Variants in ABCA3 observed in about 807,000 individuals in gnomAD.
ABCA3 encodes the protein phospholipid-transporting ATPase ABCA3.
Under a neutral mutation model 172.8 loss-of-function variants are expected in ABCA3, and 88 were observed. That is an observed-to-expected ratio of 0.51 (90% CI 0.43 to 0.61). The LOEUF (loss-of-function observed/expected upper bound fraction) is 0.61, where lower values mean the gene tolerates loss of function less well. ABCA3 is among the 20% of genes least tolerant of loss of function. The pLI is 0.00. For synonymous variants in ABCA3, 1,066 were observed against 983.8 expected, an observed-to-expected ratio of 1.08 and a Z score of -1.56; for missense variants, 2,164 against 2,301.0, an observed-to-expected ratio of 0.94 and a Z score of 1.22.
At chr16:2,325,305 C>A (rs1039596005) in intron 5 of ABCA3, among the ~76,000 whole-genome samples, 6 of 152,146 alleles carry the variant, frequency 3.9e-5, no homozygotes, top group Non-Finnish European at 1.5e-5. Context: ...TCCTGTCCAC[C>A]CTACTGACCA....
intron 20 of ABCA3, 46 bp downstream of exon 20, chr16:2,289,388 C>T: frequency 1.3e-6 from 2 of 1,543,338 alleles, no homozygotes; most frequent in Non-Finnish European, 1.7e-6. Context: ...CGTTTGGGGG[C>T]TGCTCGCCCT....
Position 2,306,884 on chromosome 16 carries a change from G to A in ABCA3, c.1285+1566C>T, listed in dbSNP as rs183027431. 4.3e-4 allele frequency among the ~76,000 whole-genome samples: 65 copies of A among 151,740 alleles called. 1 individual carries two copies. Among genetic ancestry groups the A allele is most frequent in the African/African-American group, 1.5e-3 (61 of 41,408 alleles). Reference sequence around the variant, plus strand: ...CAAAAAATTAGCTGGGCACGGTGGCGGGCGCCTGTAGTCCCAGCTACTTGG... The same window carrying A: ...CAAAAAATTAGCTGGGCACGGTGGCAGGCGCCTGTAGTCCCAGCTACTTGG... On this transcript the variant is annotated intron_variant, in intron 11 of 32. Transcript: ENST00000301732.
intron 3 of ABCA3, 21 bp from the exon 4 acceptor site, chr16:2,326,513 G>C (rs781359831): frequency 1.3e-6 from 2 of 1,585,332 alleles, no homozygotes; most frequent in East Asian, 2.3e-5. Flanking sequence ...ACCAAAGACA[G>C]AGAGTGTGGG....
At chr16:2,315,314 C>T (rs560665454) in intron 10 of ABCA3, among the ~76,000 whole-genome samples, 2 of 151,402 alleles carry the variant, frequency 1.3e-5, no homozygotes, top group Admixed American at 6.6e-5. Flanking sequence ...GCCCTCAGAT[C>T]GAAATGTTCA....
At chr16:2,303,246 T>A (rs1357509289) in intron 12 of ABCA3, among the ~76,000 whole-genome samples, 1 of 150,938 alleles carries the variant, frequency 6.6e-6, no homozygotes, top group African/African-American at 2.4e-5. Context: ...ATTTCAGGAA[T>A]CCGAACTTTT....
At position 2,279,251 on chromosome 16, in the gene ABCA3, G is replaced by A; in HGVS notation, c.4360-121C>T. 1 of 1,199,182 alleles carries A rather than the reference G, an allele frequency of 8.3e-7. No individual in the cohort carries two copies. The highest frequency in any genetic ancestry group is 1.2e-6 in the Non-Finnish European group (1 of 845,346). 74.3% of individuals were successfully genotyped at this position (1,199,182 alleles called of 1,614,324 possible). ...GCGCCTGTCTGTGGTTCCTGCCAGT[G>A]TGTGTACACGGGGGCGCTGGAGCTA... On this transcript the variant is annotated intron_variant, in intron 28 of 32. Transcript: ENST00000301732. This position sits in a 1 kb window ranked among gnomAD's most constrained non-coding sequence, Gnocchi z 4.4.
chr16:2,339,109 A>G (rs1347624424), intron 1 of ABCA3: 2 of 152,190 alleles, frequency 1.3e-5, no homozygotes, highest in Admixed American at 1.3e-4. Context: ...GCCGTCCCCA[A>G]AGTTCCAGAA....
chr16:2,333,868 TTAG>T, intron 1 of ABCA3, among the ~76,000 whole-genome samples: 1 of 151,988 alleles, frequency 6.6e-6, no homozygotes, highest in Non-Finnish European at 1.5e-5. Flanking sequence ...TTTTGTATTT[TTAG>T]TAGAGACAGG....
At position 2,277,832 on chromosome 16, in the gene ABCA3, AGGGG is replaced by A; in HGVS notation, c.4909+43_4909+46del. 1 of 1,605,162 alleles carries A rather than the reference AGGGG, an allele frequency of 6.2e-7. No individual in the cohort carries two copies. The highest frequency in any genetic ancestry group is 8.5e-7 in the Non-Finnish European group (1 of 1,177,972). On this transcript the variant is annotated intron_variant, in intron 31 of 32. Coordinates refer to ENST00000301732, the MANE Select transcript of ABCA3 (RefSeq NM_001089.3). The surrounding 1 kb of genome is among the most constrained non-coding windows in gnomAD (Gnocchi z 5.3). ...CACAGCAGATGGGAGAGGCCTAGGTAGGGGCCCAGGGCCCACCCAGTGGGGGCTG... is the reference window on the plus strand; with the variant it reads ...CACAGCAGATGGGAGAGGCCTAGGTACCCAGGGCCCACCCAGTGGGGGCTG...
Position 2,284,370 on chromosome 16 carries a change from C to G in ABCA3, c.3771G>C (p.Leu1257=). 1 of 1,614,006 alleles carries G rather than the reference C, an allele frequency of 6.2e-7. No homozygotes were observed. The highest frequency in any genetic ancestry group is 8.5e-7 in the Non-Finnish European group (1 of 1,180,000). The change falls in exon 25 of 33, where the codon CTG becomes CTC. Residue 1257 remains leucine, a synonymous_variant. Transcript: ENST00000301732. This position sits in a 1 kb window ranked among gnomAD's most constrained non-coding sequence, Gnocchi z 5.9. ...HVFLVLPNHC[L]GMAVSSFYEN... ...CGTAGAAACTGCTGACTGCCATCCC[C>G]AGACAGTGGTTGGGCAGCACCAGGA...
Position 2,317,404 on chromosome 16 carries a change from C to A in ABCA3, c.991-1G>T. On this transcript the variant is annotated splice_acceptor_variant, in intron 9 of 32. Transcript: ENST00000301732. LOFTEE classifies it high-confidence loss of function. ...ACAGCACGGCTACATTTGGCTTCAC[C>A]TGCAGGGCACAGGCATGAGTCGGGC... is the stretch of plus-strand genomic sequence containing the variant. 6.2e-7 allele frequency: 1 copy of A among 1,613,768 alleles called. No homozygotes were observed. The highest frequency in any genetic ancestry group is 8.5e-7 in the Non-Finnish European group (1 of 1,180,018).
At chr16:2,299,277 C>T (rs2093685134) in intron 14 of ABCA3, 126 bp downstream of exon 14, 1 of 1,354,774 alleles carries the variant, frequency 7.4e-7, no homozygotes, top group Non-Finnish European at 1.0e-6. Context: ...GGCTGAGGTG[C>T]ATCTCCTGCC....
chr16:2,324,502 C>T lies in ABCA3; in HGVS notation c.349G>A (p.Glu117Lys). The T allele has an allele frequency of 3.7e-6, 6 of 1,611,044 alleles. No individual in the cohort carries two copies. Among genetic ancestry groups the T allele is most frequent in the Non-Finnish European group, 5.1e-6 (6 of 1,179,950 alleles). The change falls in exon 6 of 33, where the codon GAG becomes AAG. Residue 117 changes from glutamate to lysine, a missense_variant. This residue lies in a region of ABCA3 where 1,343 missense variants were observed against 1,369.6 expected (regional missense o/e 0.98). Coordinates refer to ENST00000301732, the MANE Select transcript of ABCA3 (RefSeq NM_001089.3). ...VRGFPSEKDF[E>K]DYIRYDNCSS... is the part of the protein sequence containing the mutation. ...CAGTTGTCGTACCTAATGTAGTCCT[C>T]AAAGTCCTTCTCGGAGGGAAAGCCG...
chr16:2,320,679 G>A (rs1465616449), intron 7 of ABCA3, among the ~76,000 whole-genome samples: 1 of 152,036 alleles, frequency 6.6e-6, no homozygotes, highest in African/African-American at 2.4e-5. Flanking sequence ...TGACAGGTGT[G>A]AGCCACTGCG....
At chr16:2,331,497 C>A (rs1013548574) in intron 1 of ABCA3, among the ~76,000 whole-genome samples, 8 of 152,246 alleles carry the variant, frequency 5.3e-5, no homozygotes, top group Non-Finnish European at 1.0e-4. Context: ...CTGTGCCCTG[C>A]CGAGGTTTTA....
In ABCA3 at chr16:2,277,005, G is replaced by T. The variant is rs548257936; in HGVS notation, c.4984-200C>A. 2.6e-5 allele frequency among the ~76,000 whole-genome samples: 4 copies of T among 152,228 alleles called. No individual in the cohort carries two copies. The highest frequency in any genetic ancestry group is 5.9e-5 in the Non-Finnish European group (4 of 68,036). On this transcript the variant is annotated intron_variant, in intron 32 of 32. Transcript: ENST00000301732. This position sits in a 1 kb window ranked among gnomAD's most constrained non-coding sequence, Gnocchi z 5.3. ...GAGGACGCTGGCTAAGCAGGAGCCA[G>T]CGGGGATGGGGCCCAGCCTCCTCCC...
chr16:2,337,953 G>C (rs917463517), intron 1 of ABCA3, among the ~76,000 whole-genome samples: 1 of 152,238 alleles, frequency 6.6e-6, no homozygotes, highest in South Asian at 2.1e-4. Flanking sequence ...TTAAGCCAGA[G>C]ACGTGGTTCC....
chr16:2,325,480 A>T (rs1276262243), intron 5 of ABCA3, among the ~76,000 whole-genome samples: 1 of 152,176 alleles, frequency 6.6e-6, no homozygotes, highest in Non-Finnish European at 1.5e-5. Context: ...GCCGCCGAGA[A>T]GAGATTTGAT....
intron 18 of ABCA3, 151 bp downstream of exon 18, chr16:2,295,438 TG>T (rs1256725015): frequency 8.3e-7 from 1 of 1,203,166 alleles, no homozygotes; most frequent in Non-Finnish European, 1.2e-6. Flanking sequence ...CAGATTCATC[TG>T]GGCTGATGGT....
Sources: allele counts gnomAD v4.1 joint callset (sites outside exome capture counted in the v4.1 genomes callset), GRCh38; gene constraint gnomAD v4.1.1; regional missense constraint gnomAD v4.1.1; non-coding constraint Gnocchi (gnomAD v3.1); transcripts MANE v1.5; gene names NCBI Gene and HGNC (gene_info 2026-07-23, HGNC 2026-07-21).